The following WDPCP variants were observed in gnomAD, a reference collection of about 807,000 sequenced individuals.
The protein encoded by WDPCP is WD repeat containing planar cell polarity effector.
WDPCP carries 71 observed loss-of-function variants against 93.1 expected under a neutral mutation model. The ratio of observed to expected loss-of-function variants is 0.76; its 90% CI spans 0.63 to 0.93. WDPCP has a LOEUF of 0.93. WDPCP is among the 40% of genes least tolerant of loss of function. WDPCP has a pLI of 0.00. For synonymous variants in WDPCP, 315 were observed against 315.0 expected (o/e 1.00, Z 0.00); for missense variants, 844 against 887.4 (o/e 0.95, Z 0.62).
At chr2:63,362,193 AC>A (rs1161088409) in intron 12 of WDPCP, among the ~76,000 whole-genome samples, 2 of 149,690 alleles carry the variant, frequency 1.3e-5, no homozygotes, top group Non-Finnish European at 3.0e-5. Context: ...ATTTTTTGCA[AC>A]CCAATTTTTT....
chr2:63,790,221 C>A (rs947556699), intron 2 of WDPCP, among the ~76,000 whole-genome samples: 2 of 152,294 alleles, frequency 1.3e-5, no homozygotes, highest in East Asian at 3.9e-4. Flanking sequence ...GGTAGCCAGT[C>A]CTCACTCAAG....
At position 63,511,989 on chromosome 2, in the gene WDPCP, A is replaced by C. The variant is rs557901719; in HGVS notation, c.76-19049T>G. 8.5e-5 allele frequency among the ~76,000 whole-genome samples: 13 copies of C among 152,330 alleles called. No homozygotes were observed. In the East Asian group the frequency reaches 2.3e-3, roughly 27 times the overall value. ...CTACAGAATGGGGGAAAATTTTTGC[A>C]ATCTATCCATCTGACAAAGGGCTAA... is the stretch of plus-strand genomic sequence containing the variant. On this transcript the variant is annotated intron_variant, in intron 1 of 17. Coordinates refer to ENST00000272321, the MANE Select transcript of WDPCP (RefSeq NM_015910.7).
chr2:63,821,981 T>C (rs1435771395), intron 1 of WDPCP, among the ~76,000 whole-genome samples: 1 of 152,098 alleles, frequency 6.6e-6, no homozygotes, highest in African/African-American at 2.4e-5. Flanking sequence ...GGGATTACGA[T>C]TGTTGAGATA....
At chr2:63,163,996 A>G (rs1672800388) in intron 15 of WDPCP, among the ~76,000 whole-genome samples, 1 of 152,218 alleles carries the variant, frequency 6.6e-6, no homozygotes, top group South Asian at 2.1e-4. Context: ...ATACTGGTTC[A>G]TTATAATAGC....
At chr2:63,616,431 G>A (rs546448241) in intron 3 of WDPCP, among the ~76,000 whole-genome samples, 72 of 152,322 alleles carry the variant, frequency 4.7e-4, no homozygotes, top group African/African-American at 1.7e-3. Flanking sequence ...GTAAGTAGGA[G>A]CCAGTCCATG....
At position 63,238,124 on chromosome 2, in the gene WDPCP, ATTTT is replaced by A. The variant is rs1011656371; in HGVS notation, c.1915+21179_1915+21182del. On this transcript the variant is annotated intron_variant, in intron 14 of 17. Coordinates refer to ENST00000272321, the MANE Select transcript of WDPCP (RefSeq NM_015910.7). ...TTTCATGATTATAGCAATAATACAAATTTTTTTGTTAGACAGCTATTAATAACTA... is the reference window on the plus strand; with the variant it reads ...TTTCATGATTATAGCAATAATACAAATTTGTTAGACAGCTATTAATAACTA... Among the ~76,000 whole-genome samples, 4 of 152,228 alleles carry A rather than the reference ATTTT, an allele frequency of 2.6e-5. No homozygotes were observed. In the East Asian group the frequency reaches 7.7e-4, roughly 29 times the overall value.
At chr2:63,173,725 G>T (rs1673574602) in intron 15 of WDPCP, among the ~76,000 whole-genome samples, 1 of 152,082 alleles carries the variant, frequency 6.6e-6, no homozygotes, top group South Asian at 2.1e-4. Flanking sequence ...TGTTTCTTGG[G>T]GAGAGGATTT....
At chr2:63,222,639 G>C (rs1002823732) in intron 14 of WDPCP, among the ~76,000 whole-genome samples, 1 of 152,192 alleles carries the variant, frequency 6.6e-6, no homozygotes, top group African/African-American at 2.4e-5. Context: ...GGCAGTGCCT[G>C]GAGGTGAAGC....
intron 1 of WDPCP, among the ~76,000 whole-genome samples, chr2:63,536,738 C>T (rs193161781): frequency 3.0e-4 from 40 of 131,514 alleles, no homozygotes; most frequent in Non-Finnish European, 3.7e-4. Context: ...AACAAACAAC[C>T]AAAAAAAAAT....
In WDPCP at chr2:63,287,928, G is replaced by T. The variant is rs533534393; in HGVS notation, c.1812+25320C>A. ...GCAATTATAAGGTATGTAATAAATGGTAAGTCTTGTTTCAGAAGTTAGCAG... is the reference window on the plus strand; with the variant it reads ...GCAATTATAAGGTATGTAATAAATGTTAAGTCTTGTTTCAGAAGTTAGCAG... On this transcript the variant is annotated intron_variant, in intron 13 of 17. Coordinates refer to ENST00000272321, the MANE Select transcript of WDPCP (RefSeq NM_015910.7). 1.8e-3 allele frequency among the ~76,000 whole-genome samples: 270 copies of T among 152,288 alleles called. 1 individual carries two copies. The highest frequency in any genetic ancestry group is 3.5e-3 in the Non-Finnish European group (235 of 68,030).
chr2:63,832,425 G>C (rs1446673852), upstream of WDPCP, among the ~76,000 whole-genome samples: 2 of 151,386 alleles, frequency 1.3e-5, no homozygotes, highest in African/African-American at 4.8e-5. Context: ...TCCAGGTGTT[G>C]GGGTGGGGGG....
At chr2:63,211,844 C>G (rs990829025) in intron 14 of WDPCP, among the ~76,000 whole-genome samples, 1 of 151,902 alleles carries the variant, frequency 6.6e-6, no homozygotes, top group Non-Finnish European at 1.5e-5. Flanking sequence ...GTAGCCAATT[C>G]GATCAAGTGG....
chr2:63,677,607 T>C lies in WDPCP; in HGVS notation n.309-26769A>G, dbSNP rs976077361. 6.6e-5 allele frequency among the ~76,000 whole-genome samples: 10 copies of C among 152,168 alleles called. No homozygotes were observed. The South Asian group carries it at 1.0e-3, about 16-fold the overall frequency. ...AGAAACAGCCATAAGATTAAACTTATAGCTGAATTCCTAACAGAAATAGGA... is the reference window on the plus strand; with the variant it reads ...AGAAACAGCCATAAGATTAAACTTACAGCTGAATTCCTAACAGAAATAGGA... On this transcript the variant is annotated intron_variant and non_coding_transcript_variant, in intron 2 of 4. Transcript: ENST00000467687.
chr2:63,128,064 G>A (rs144713321), intron 17 of WDPCP, among the ~76,000 whole-genome samples: 2,944 of 152,044 alleles, frequency 0.019, 93 homozygotes, highest in African/African-American at 0.066. Context: ...ACTTGAACCC[G>A]GGAGGCGGAG....
At chr2:63,706,737 C>T (rs1669161195) in intron 2 of WDPCP, among the ~76,000 whole-genome samples, 1 of 150,852 alleles carries the variant, frequency 6.6e-6, no homozygotes, top group Non-Finnish European at 1.5e-5. Context: ...CTGCCTCAGC[C>T]TCCCGAGTAG....
intron 6 of WDPCP, among the ~76,000 whole-genome samples, chr2:63,471,935 A>G (rs1211249420): frequency 6.6e-6 from 1 of 151,762 alleles, no homozygotes; most frequent in African/African-American, 2.4e-5. Flanking sequence ...GACAATTTAG[A>G]ATTTTTTTTT....
intron 15 of WDPCP, among the ~76,000 whole-genome samples, chr2:63,164,341 G>A (rs1672819229): frequency 6.6e-6 from 1 of 152,156 alleles, no homozygotes; most frequent in Non-Finnish European, 1.5e-5. Context: ...GTTGGAGGTC[G>A]GACCTGGTGG....
intron 15 of WDPCP, 70 bp downstream of exon 15, chr2:63,174,600 A>G (rs1184402224): frequency 1.9e-6 from 3 of 1,587,048 alleles, no homozygotes; most frequent in South Asian, 1.1e-5. Context: ...TTGCTTTGCT[A>G]TTAGTTCGCA....
intron 2 of WDPCP, among the ~76,000 whole-genome samples, chr2:63,654,040 A>C (rs970002003): frequency 2.6e-5 from 4 of 152,200 alleles, no homozygotes; most frequent in Non-Finnish European, 5.9e-5. Context: ...AGAACTTTAA[A>C]AGACTTATCA....
Sources: allele counts gnomAD v4.1 joint callset (sites outside exome capture counted in the v4.1 genomes callset), GRCh38; gene constraint gnomAD v4.1.1; transcripts MANE v1.5; gene names NCBI Gene and HGNC (gene_info 2026-07-23, HGNC 2026-07-21).